The following RIT2 variants were observed in gnomAD, a reference collection of about 807,000 sequenced individuals.
RIT2 encodes Ras like without CAAX 2, also known as GTP-binding protein Rit2.
In RIT2, 24 loss-of-function variants were observed where a neutral mutation model predicts 23.7. The observed-to-expected ratio is 1.01, with a 90% CI of 0.73 to 1.43. The LOEUF is 1.43. RIT2 is among the 40% of genes most tolerant of loss of function. The probability of loss-of-function intolerance (pLI) is 0.00; values close to 1 mark genes in which losing one functional copy is unlikely to be tolerated. For missense variants in RIT2, 236 were observed against 266.9 expected (o/e 0.88, Z 0.81); for synonymous variants, 107 against 91.1 (o/e 1.17, Z -0.99).
At chr18:42,816,630 A>G (rs1268984954) in intron 4 of RIT2, among the ~76,000 whole-genome samples, 1 of 152,212 alleles carries the variant, frequency 6.6e-6, no homozygotes, top group Non-Finnish European at 1.5e-5. Context: ...ATTCAAAAAT[A>G]TATAATCCCA....
At chr18:42,755,510 A>G (rs1372388755) in intron 4 of RIT2, among the ~76,000 whole-genome samples, 1 of 152,048 alleles carries the variant, frequency 6.6e-6, no homozygotes, top group African/African-American at 2.4e-5. Flanking sequence ...CATCCCCACT[A>G]ATGCCATCCC....
At chr18:42,779,493 G>T (rs993192258) in intron 4 of RIT2, among the ~76,000 whole-genome samples, 1 of 152,056 alleles carries the variant, frequency 6.6e-6, no homozygotes, top group African/African-American at 2.4e-5. Context: ...TTTGCAGGGG[G>T]ATTAAATTCA....
At chr18:42,915,473 C>A (rs1908883258) in intron 4 of RIT2, among the ~76,000 whole-genome samples, 1 of 152,010 alleles carries the variant, frequency 6.6e-6, no homozygotes, top group African/African-American at 2.4e-5. Flanking sequence ...AACAGCTTTG[C>A]TTTTTTCTTT....
At chr18:42,756,384 C>T (rs1347335570) in intron 4 of RIT2, among the ~76,000 whole-genome samples, 1 of 152,000 alleles carries the variant, frequency 6.6e-6, no homozygotes, top group African/African-American at 2.4e-5. Flanking sequence ...TTTTAGACTG[C>T]TTTGTACAGG....
intron 4 of RIT2, among the ~76,000 whole-genome samples, chr18:42,841,024 C>T (rs919995870): frequency 2.0e-5 from 3 of 152,124 alleles, no homozygotes; most frequent in African/African-American, 7.2e-5. Flanking sequence ...GACCTGAATG[C>T]TAACCTATAA....
intron 4 of RIT2, among the ~76,000 whole-genome samples, chr18:42,854,679 C>G (rs921377773): frequency 2.0e-4 from 31 of 152,158 alleles, no homozygotes; most frequent in African/African-American, 7.0e-4. Context: ...AAACAAACAG[C>G]TAAAGTACTT....
chr18:43,085,354 A>G (rs1913258288), intron 1 of RIT2, among the ~76,000 whole-genome samples: 2 of 152,070 alleles, frequency 1.3e-5, no homozygotes, highest in African/African-American at 2.4e-5. Flanking sequence ...TTGTAGCAAG[A>G]GTGTGAAAAA....
At chr18:43,058,050 C>T (rs1274026326) in intron 1 of RIT2, among the ~76,000 whole-genome samples, 3 of 152,058 alleles carry the variant, frequency 2.0e-5, no homozygotes, top group East Asian at 1.9e-4. Context: ...AATGTATTAT[C>T]TCTAAATTAA....
intron 2 of RIT2, among the ~76,000 whole-genome samples, chr18:42,976,740 A>C (rs1240071948): frequency 6.6e-6 from 1 of 152,094 alleles, no homozygotes; most frequent in Non-Finnish European, 1.5e-5. Context: ...GCCATCTTCA[A>C]ATGTGCATTT....
intron 4 of RIT2, among the ~76,000 whole-genome samples, chr18:42,902,470 T>A (rs1253582622): frequency 6.6e-6 from 1 of 151,746 alleles, no homozygotes; most frequent in East Asian, 1.9e-4. Flanking sequence ...TTGGGTATAA[T>A]GTTTACAGAT....
chr18:42,897,976 G>A (rs937319586), intron 4 of RIT2, among the ~76,000 whole-genome samples: 4 of 152,166 alleles, frequency 2.6e-5, no homozygotes, highest in African/African-American at 4.8e-5. Context: ...GTAATCGTGG[G>A]CAAAAGATGG....
intron 4 of RIT2, among the ~76,000 whole-genome samples, chr18:42,891,345 T>C (rs1168202355): frequency 6.6e-6 from 1 of 152,094 alleles, no homozygotes; most frequent in Non-Finnish European, 1.5e-5. Flanking sequence ...TTAAAACATA[T>C]AAACAATTAT....
chr18:43,038,890 A>G (rs1486921668), intron 1 of RIT2, among the ~76,000 whole-genome samples: 1 of 150,566 alleles, frequency 6.6e-6, no homozygotes, highest in African/African-American at 2.4e-5. Flanking sequence ...CAGGTTAGTA[A>G]ACTGCAGGAT....
At chr18:42,812,769 A>T (rs904282061) in intron 4 of RIT2, among the ~76,000 whole-genome samples, 16 of 152,168 alleles carry the variant, frequency 1.1e-4, no homozygotes, top group Non-Finnish European at 7.4e-5. Flanking sequence ...GGATAGACTG[A>T]TTTATTCAAG....
intron 3 of RIT2, among the ~76,000 whole-genome samples, chr18:42,944,638 C>T (rs1167929555): frequency 1.3e-5 from 2 of 152,056 alleles, no homozygotes; most frequent in Non-Finnish European, 2.9e-5. Flanking sequence ...CCAATTCTCT[C>T]CAAGATTGAG....
chr18:42,974,138 T>C lies in RIT2; in HGVS notation c.170A>G (p.Tyr57Cys), dbSNP rs1910425798. The change falls in exon 3 of 5, where the codon TAT (tyrosine) becomes TGT (cysteine). Residue 57 changes from tyrosine (Y) to cysteine (C), a missense_variant. Tyr to Cys is a radical substitution (Grantham distance 194). Transcript: ENST00000326695. ...DYHDPTIEDAYKTQVRIDNEP... is the reference protein window; with the variant it reads ...DYHDPTIEDACKTQVRIDNEP... The stretch of plus-strand genomic sequence containing the variant: ...ATTGTCAATCCTGACCTGGGTCTTA[T>C]AAGCATCTTCTGAAAAACACAAGAC... 1.9e-6 allele frequency: 3 copies of C among 1,610,290 alleles called. No individual in the cohort carries two copies. Among genetic ancestry groups the C allele is most frequent in the Admixed American group, 1.7e-5 (1 of 59,744 alleles).
chr18:42,945,877 A>G (rs1909716545), intron 3 of RIT2, among the ~76,000 whole-genome samples: 1 of 152,138 alleles, frequency 6.6e-6, no homozygotes, highest in African/African-American at 2.4e-5. Context: ...ATTTTAAGCT[A>G]GTTTTATCAT....
At chr18:42,804,636 G>T (rs1847203672) in intron 4 of RIT2, among the ~76,000 whole-genome samples, 2 of 150,698 alleles carry the variant, frequency 1.3e-5, no homozygotes, top group Admixed American at 1.3e-4. Flanking sequence ...ATCCCCAAGG[G>T]TTTTTCCATA....
At chr18:42,796,109 C>T (rs972690967) in intron 4 of RIT2, among the ~76,000 whole-genome samples, 28 of 152,242 alleles carry the variant, frequency 1.8e-4, no homozygotes, top group Admixed American at 1.5e-3. Context: ...TGTTCTTTAA[C>T]TCTTTGCAAT....
Sources: allele counts gnomAD v4.1 joint callset (sites outside exome capture counted in the v4.1 genomes callset), GRCh38; gene constraint gnomAD v4.1.1; transcripts MANE v1.5; gene names NCBI Gene and HGNC (gene_info 2026-07-23, HGNC 2026-07-21).